CFAP20DC: variants seen among roughly 807,000 people sequenced by gnomAD.
CFAP20DC encodes the protein protein CFAP20DC.
Under a neutral mutation model 101.7 loss-of-function variants are expected in CFAP20DC, and 84 were observed. That is an observed-to-expected ratio of 0.83 (90% CI 0.69 to 0.99). CFAP20DC has a LOEUF of 0.99. Among genes scored for constraint, CFAP20DC ranks in the 50% least tolerant of loss-of-function variants. CFAP20DC has a pLI of 0.00. For synonymous variants in CFAP20DC, 359 were observed against 351.2 expected, an observed-to-expected ratio of 1.02 and a Z score of -0.25; for missense variants, 1,007 against 970.3, an observed-to-expected ratio of 1.04 and a Z score of -0.50.
At chr3:58,911,576 C>T (rs1000572804) in intron 6 of CFAP20DC, among the ~76,000 whole-genome samples, 1 of 151,842 alleles carries the variant, frequency 6.6e-6, no homozygotes, top group African/African-American at 2.4e-5. Flanking sequence ...ATGATTTCTG[C>T]ATGTTTCTAT....
chr3:59,033,574 ATCAT>A (rs1382653725), intron 4 of CFAP20DC, among the ~76,000 whole-genome samples: 1 of 152,156 alleles, frequency 6.6e-6, no homozygotes, highest in African/African-American at 2.4e-5. Flanking sequence ...CAACAGCCAA[ATCAT>A]TCAAGCAAAA....
chr3:58,900,299 T>C (rs935437151), intron 6 of CFAP20DC, among the ~76,000 whole-genome samples: 2 of 152,212 alleles, frequency 1.3e-5, no homozygotes, highest in Non-Finnish European at 2.9e-5. Flanking sequence ...AGTAATCCCC[T>C]TATGGACAGA....
At chr3:58,822,418 C>A (rs1399813170) in intron 14 of CFAP20DC, among the ~76,000 whole-genome samples, 1 of 149,494 alleles carries the variant, frequency 6.7e-6, no homozygotes, top group Non-Finnish European at 1.5e-5. Flanking sequence ...AGGGGAATAT[C>A]ACACTCTGGG....
In CFAP20DC at chr3:58,897,851, G is replaced by A. The variant is rs2082794809; in HGVS notation, c.551-13142C>T. 6.6e-6 allele frequency among the ~76,000 whole-genome samples: 1 copy of A among 152,156 alleles called. No individual in the cohort carries two copies. The highest frequency in any genetic ancestry group is 2.4e-5 in the African/African-American group (1 of 41,424). ...TGACCTTGGAGAATCTGACGATTATGTGCCTTGGCATTGATCGTCTCATGG... is the reference window on the plus strand; with the variant it reads ...TGACCTTGGAGAATCTGACGATTATATGCCTTGGCATTGATCGTCTCATGG... On this transcript the variant is annotated intron_variant, in intron 6 of 16. Transcript: ENST00000482387. This position sits in a 1 kb window ranked among gnomAD's most constrained non-coding sequence, Gnocchi z 4.4.
At chr3:58,999,843 T>TG (rs1553762211) in intron 4 of CFAP20DC, among the ~76,000 whole-genome samples, 1 of 76,794 alleles carries the variant, frequency 1.3e-5, no homozygotes, top group African/African-American at 4.4e-5. Context: ...GTCACTAATG[T>TG]AAAAAAAAAA....
In CFAP20DC at chr3:59,001,568, C is replaced by T. The variant is rs866122852; in HGVS notation, c.278+37989G>A. Among the ~76,000 whole-genome samples, 34 of 152,312 alleles carry T rather than the reference C, an allele frequency of 2.2e-4. No homozygotes were observed. The East Asian group carries it at 4.1e-3, about 18-fold the overall frequency. ...CTGGGATTATAGGCATGCGCCACCA[C>T]GCCCAGCTAATTTTGTATTTTTAGT... On this transcript the variant is annotated intron_variant, in intron 4 of 16. Coordinates refer to ENST00000482387, the MANE Select transcript of CFAP20DC (RefSeq NM_001394063.1). The surrounding 1 kb of genome is among the most constrained non-coding windows in gnomAD (Gnocchi z 4.5).
At chr3:58,842,939 T>G (rs2077273861) in intron 13 of CFAP20DC, among the ~76,000 whole-genome samples, 1 of 152,092 alleles carries the variant, frequency 6.6e-6, no homozygotes, top group African/African-American at 2.4e-5. Context: ...CCAACAGACC[T>G]GCAGCTGAGG....
At chr3:58,917,103 A>G (rs968122875) in intron 5 of CFAP20DC, among the ~76,000 whole-genome samples, 16 of 152,300 alleles carry the variant, frequency 1.1e-4, no homozygotes, top group African/African-American at 3.6e-4. Flanking sequence ...CTGATAGAGA[A>G]AAGACAGTTC....
rs867315454 is a variant in CFAP20DC at position 58,902,460 on chromosome 3, C to T, written c.550+11248G>A. Among the ~76,000 whole-genome samples, 8 of 152,144 alleles carry T rather than the reference C, an allele frequency of 5.3e-5. No individual in the cohort carries two copies. In the South Asian group the frequency reaches 1.0e-3, roughly 20 times the overall value. Reference sequence around the variant, plus strand: ...CTCTACATCCTTGCCAACCCTTATTCCCATCCTAGTGGGTATTAAGTGGTA... The same window carrying T: ...CTCTACATCCTTGCCAACCCTTATTTCCATCCTAGTGGGTATTAAGTGGTA... On this transcript the variant is annotated intron_variant, in intron 6 of 16. Transcript: ENST00000482387.
At chr3:58,935,327 T>C (rs1274331877) in intron 5 of CFAP20DC, among the ~76,000 whole-genome samples, 1 of 151,866 alleles carries the variant, frequency 6.6e-6, no homozygotes, top group Non-Finnish European at 1.5e-5. Context: ...AGAATCAATA[T>C]TGTGAAAATG....
intron 15 of CFAP20DC, among the ~76,000 whole-genome samples, chr3:58,805,150 T>C (rs943157784): frequency 6.6e-6 from 1 of 152,200 alleles, no homozygotes; most frequent in Non-Finnish European, 1.5e-5. Flanking sequence ...CACATTCTCT[T>C]TCTTGAAAAA....
At chr3:58,766,311 C>G (rs1451376267) in intron 15 of CFAP20DC, among the ~76,000 whole-genome samples, 1 of 152,116 alleles carries the variant, frequency 6.6e-6, no homozygotes, top group African/African-American at 2.4e-5. Flanking sequence ...GTTCAATGAC[C>G]CATGCCTTAG....
chr3:59,011,626 C>T (rs13434214), intron 4 of CFAP20DC, among the ~76,000 whole-genome samples: 30,879 of 151,586 alleles, frequency 0.2, 3,234 homozygotes, highest in African/African-American at 0.23. Flanking sequence ...CAGAATTAAA[C>T]GAAATGGAAA....
chr3:59,028,155 T>C (rs1278452565), intron 4 of CFAP20DC, among the ~76,000 whole-genome samples: 1 of 152,284 alleles, frequency 6.6e-6, no homozygotes, highest in East Asian at 1.9e-4. Context: ...GGTCAGGTCA[T>C]GAAGTTCTGA....
In CFAP20DC at chr3:58,950,246, C is replaced by G. The variant is rs540632438; in HGVS notation, c.279-12484G>C. On this transcript the variant is annotated intron_variant, in intron 4 of 16. Transcript: ENST00000482387. ...TCAAGGAGAACTACAAACCACTGCT[C>G]AACAAAATAAAAGAGGATACAAACA... 2.0e-5 allele frequency among the ~76,000 whole-genome samples: 3 copies of G among 152,184 alleles called. No individual in the cohort carries two copies. In the East Asian group the frequency reaches 5.8e-4, roughly 29 times the overall value.
At chr3:58,757,402 G>A (rs1012335720) in intron 15 of CFAP20DC, among the ~76,000 whole-genome samples, 9 of 151,830 alleles carry the variant, frequency 5.9e-5, no homozygotes, top group South Asian at 4.2e-4. Flanking sequence ...ATATATGCAT[G>A]TGCCATATAT....
At chr3:58,765,171 T>C (rs146204438) in intron 15 of CFAP20DC, among the ~76,000 whole-genome samples, 29 of 152,082 alleles carry the variant, frequency 1.9e-4, no homozygotes, top group Non-Finnish European at 4.0e-4. Flanking sequence ...ATGGCTTCAG[T>C]TCCTTTGTCT....
In CFAP20DC at chr3:59,026,608, T is replaced by G. The variant is rs543649436; in HGVS notation, c.278+12949A>C. On this transcript the variant is annotated intron_variant, in intron 4 of 16. Coordinates refer to ENST00000482387, the MANE Select transcript of CFAP20DC (RefSeq NM_001394063.1). The stretch of plus-strand genomic sequence containing the variant: ...AATTTAGGTATGCTCTCAACTCCAG[T>G]GGCTTTAAAGAGGCTGAGGAAGACC... Among the ~76,000 whole-genome samples the G allele has an allele frequency of 6.4e-4, 98 of 152,272 alleles. 2 individuals carry two copies. The South Asian group carries it at 0.02, about 31-fold the overall frequency.
intron 4 of CFAP20DC, among the ~76,000 whole-genome samples, chr3:58,952,200 C>A (rs1337153540): frequency 6.6e-6 from 1 of 152,050 alleles, no homozygotes; most frequent in African/African-American, 2.4e-5. Flanking sequence ...TACAGTAGTC[C>A]CCCTCATCTG....
Sources: gnomAD v4.1 joint callset for allele counts (sites outside exome capture counted in the v4.1 genomes callset) on GRCh38, gnomAD v4.1.1 for gene constraint, Gnocchi (gnomAD v3.1) non-coding constraint, MANE v1.5 for transcripts, NCBI Gene and HGNC (gene_info 2026-07-23, HGNC 2026-07-21) for gene names.